Variants in RNF213 observed in about 807,000 individuals in gnomAD.
The protein encoded by RNF213 is ring finger protein 213.
A neutral mutation model predicts 514.4 loss-of-function variants in RNF213; 341 were observed. The ratio of observed to expected loss-of-function variants is 0.66; its 90% CI spans 0.61 to 0.73. The LOEUF is 0.73. Among genes scored for constraint, RNF213 ranks in the 30% least tolerant of loss-of-function variants. The pLI is 0.00. For missense variants in RNF213, 5,767 were observed against 6,615.6 expected, an observed-to-expected ratio of 0.87 and a Z score of 4.45; for synonymous variants, 2,655 against 2,658.2, an observed-to-expected ratio of 1.00 and a Z score of 0.04.
At chr17:80,280,666 G>T (rs1345153160) in intron 3 of RNF213, among the ~76,000 whole-genome samples, 1 of 151,766 alleles carries the variant, frequency 6.6e-6, no homozygotes, top group East Asian at 1.9e-4. Flanking sequence ...TGTTACCCAC[G>T]CTGGTCTCAA....
In RNF213 at chr17:80,270,938, A is replaced by G. The variant is rs566738002; in HGVS notation, c.98-2303A>G. 3.9e-5 allele frequency among the ~76,000 whole-genome samples: 6 copies of G among 152,222 alleles called. No individual in the cohort carries two copies. In the South Asian group the frequency reaches 1.2e-3, roughly 32 times the overall value. ...GACAGTGGTTTCCCAGCACCACCTC[A>G]TGGTCTTTCCAGGATGCACTGAGTG... On this transcript the variant is annotated intron_variant, in intron 2 of 67. Transcript: ENST00000582970.
rs1333760921 is a variant in RNF213 at position 80,386,775 on chromosome 17, A to G, written c.14806A>G (p.Asn4936Asp). The G allele has an allele frequency of 6.2e-7, 1 of 1,614,156 alleles. No homozygotes were observed. Among genetic ancestry groups the G allele is most frequent in the Non-Finnish European group, 8.5e-7 (1 of 1,180,024 alleles). Residue 4936 changes from asparagine (N) to aspartate (D), a missense_variant, in exon 63 of 68, where the codon AAC becomes GAC. Coordinates refer to ENST00000582970, the MANE Select transcript of RNF213 (RefSeq NM_001256071.3). ...ERDLTPLILSNCQYQVEEGRE... is the reference protein window; with the variant it reads ...ERDLTPLILSDCQYQVEEGRE... ...GGACCTGACTCCACTGATTCTCTCC[A>G]ACTGCCAGTACCAGGTGGAGGAGGG...
In RNF213 at chr17:80,337,819, T is replaced by C. The variant is rs1413882321; in HGVS notation, c.4669-14T>C. The C allele has an allele frequency of 1.3e-6, 2 of 1,536,892 alleles. No individual in the cohort carries two copies. Among genetic ancestry groups the C allele is most frequent in the South Asian group, 1.2e-5 (1 of 84,054 alleles). On this transcript the variant is annotated splice_polypyrimidine_tract_variant and intron_variant, in intron 24 of 67. Transcript: ENST00000582970. ...GGCCCCAAGAAAGTGACTTCTAACC[T>C]ATGCTCTTCACAGATTTCCCCAGAC...
At chr17:80,320,043 A>G in intron 17 of RNF213, 10 of 1,012,326 alleles carry the variant, frequency 9.9e-6, no homozygotes, top group Middle Eastern at 5.0e-4. Context: ...TTCGTATGCC[A>G]TACGGTACAT....
chr17:80,350,317 A>G lies in RNF213; in HGVS notation c.10105A>G (p.Thr3369Ala). The change falls in exon 31 of 68, where the codon ACA (threonine) becomes GCA (alanine). Residue 3369 changes from threonine to alanine, a missense_variant. This residue lies in a region of RNF213 where 919 missense variants were observed against 1,121.0 expected (regional missense o/e 0.82). Coordinates refer to ENST00000582970, the MANE Select transcript of RNF213 (RefSeq NM_001256071.3). Reference sequence around the variant, plus strand: ...TTCTTTCAGAAACTGTTTAACGAATACAGCCAAATGTAAAATCCTCATTTT... The same window carrying G: ...TTCTTTCAGAAACTGTTTAACGAATGCAGCCAAATGTAAAATCCTCATTTT... Reference protein sequence around the residue: ...LKEVRNCLTNTAKCKILIFQT... With the variant: ...LKEVRNCLTNAAKCKILIFQT... The G allele has an allele frequency of 6.2e-7, 1 of 1,607,086 alleles. No individual in the cohort carries two copies. Among genetic ancestry groups the G allele is most frequent in the Non-Finnish European group, 8.5e-7 (1 of 1,173,658 alleles).
intron 21 of RNF213, among the ~76,000 whole-genome samples, chr17:80,333,372 T>G (rs184532862): frequency 1.7e-4 from 25 of 150,324 alleles, no homozygotes; most frequent in Non-Finnish European, 4.4e-5. Flanking sequence ...GTCTTCTGCT[T>G]CTTATGTTTT....
rs1336024604 is a variant in RNF213, at chr17:80,339,530, G to T, written c.5163G>T (p.Pro1721=). The change falls in exon 26 of 68, where the codon CCG becomes CCT. Residue 1721 remains proline, a synonymous_variant. Transcript: ENST00000582970. The stretch of plus-strand genomic sequence containing the variant: ...GCACTGAGCTCAGGAAGCAGCCCCC[G>T]AGTGATGCCGCCCTAACGATGCTAT... ...YLSTELRKQP[P]SDAALTMLSF... 1 of 1,537,206 alleles carries T rather than the reference G, an allele frequency of 6.5e-7. No individual in the cohort carries two copies. The highest frequency in any genetic ancestry group is 1.4e-5 in the African/African-American group (1 of 73,162).
At position 80,363,030 on chromosome 17, in the gene RNF213, G is replaced by A. The variant is rs113530384; in HGVS notation, c.11356-72G>A. 197 of 1,370,416 alleles carry A rather than the reference G, an allele frequency of 1.4e-4. No homozygotes were observed. In the African/African-American group the frequency reaches 1.8e-3, roughly 13 times the overall value. 84.9% of individuals were successfully genotyped at this position (1,370,416 alleles called of 1,614,324 possible). A position where few individuals can be genotyped will look rare whatever the true frequency, so the allele number is the denominator to read the frequency against. ...CTCTTTTATGGTTTTCCAATAGTTC[G>A]GATTTCCCACGGGGAAAACATACCA... On this transcript the variant is annotated intron_variant, in intron 39 of 67. Coordinates refer to ENST00000582970, the MANE Select transcript of RNF213 (RefSeq NM_001256071.3).
At chr17:80,339,082 C>CATTAAAAAAG in intron 25 of RNF213, 119 bp from the exon 26 acceptor site, 55 of 738,196 alleles carry the variant, frequency 7.5e-5, no homozygotes, top group Middle Eastern at 3.2e-4. Flanking sequence ...GAGCGCAGAT[C>CATTAAAAAAG]ATGCAGTGGG....
At chr17:80,289,907 A>ACTCT (rs2044629968) in intron 6 of RNF213, 70 bp downstream of exon 6, 1 of 1,458,832 alleles carries the variant, frequency 6.9e-7, no homozygotes, top group Admixed American at 2.0e-5. Context: ...TCCCTGCACA[A>ACTCT]CTCTCAGGGG....
At position 80,385,140 on chromosome 17, in the gene RNF213, C is replaced by T; in HGVS notation, c.14424C>T (p.Ser4808=). 1.9e-6 allele frequency: 3 copies of T among 1,614,210 alleles called. No individual in the cohort carries two copies. Among genetic ancestry groups the T allele is most frequent in the Non-Finnish European group, 2.5e-6 (3 of 1,180,028 alleles). Reference sequence around the variant, plus strand: ...ACGTCCAGCAAGTTGAATACAGCTCCATCAGAGGCTTCCTCAGCAAGCACA... The same window carrying T: ...ACGTCCAGCAAGTTGAATACAGCTCTATCAGAGGCTTCCTCAGCAAGCACA... ...FQNVQQVEYS[S]IRGFLSKHSS... The change falls in exon 60 of 68, where the codon TCC becomes TCT. Residue 4808 remains serine, a synonymous_variant. Transcript: ENST00000582970.
chr17:80,292,888 C>T (rs1424477370), intron 8 of RNF213, among the ~76,000 whole-genome samples: 1 of 152,036 alleles, frequency 6.6e-6, no homozygotes, highest in Non-Finnish European at 1.5e-5. Context: ...CCTCCCTGCC[C>T]CCTGGTGTCC....
intron 30 of RNF213, 147 bp from the exon 31 acceptor site, chr17:80,350,153 TC>T: frequency 2.7e-6 from 2 of 753,446 alleles, no homozygotes; most frequent in East Asian, 2.7e-5. Context: ...TTGGGTTTCC[TC>T]CCCTGGACTA....
At chr17:80,320,110 C>A in intron 17 of RNF213, 2 of 671,292 alleles carry the variant, frequency 3.0e-6, no homozygotes, top group Non-Finnish European at 3.7e-6. Flanking sequence ...GTACAGTCAT[C>A]ACCACAGTTA....
chr17:80,353,237 C>A lies in RNF213; in HGVS notation c.10423+178C>A. On this transcript the variant is annotated intron_variant, in intron 33 of 67. Coordinates refer to ENST00000582970, the MANE Select transcript of RNF213 (RefSeq NM_001256071.3). The surrounding 1 kb of genome is among the most constrained non-coding windows in gnomAD (Gnocchi z 5.0). Reference sequence around the variant, plus strand: ...CTCATCATAGAGCACCAGGGCCGAGCAGGTGCGCTTACCACAGGCTGAGGT... The same window carrying A: ...CTCATCATAGAGCACCAGGGCCGAGAAGGTGCGCTTACCACAGGCTGAGGT... 1.1e-6 allele frequency: 1 copy of A among 906,460 alleles called. No individual in the cohort carries two copies. The highest frequency in any genetic ancestry group is 1.5e-5 in the South Asian group (1 of 64,812). The allele number at this position is 906,460 out of a possible 1,614,324, so 56.2% of individuals were successfully genotyped here. A position where few individuals can be genotyped will look rare whatever the true frequency, so the allele number is the denominator to read the frequency against.
chr17:80,364,447 G>A lies in RNF213; in HGVS notation c.11765G>A (p.Arg3922Gln), dbSNP rs766292366. 2.2e-5 allele frequency: 36 copies of A among 1,614,040 alleles called. 1 individual carries two copies. The South Asian group carries it at 3.1e-4, about 14-fold the overall frequency. Residue 3922 changes from arginine (R) to glutamine (Q), a missense_variant, in exon 42 of 68, where the codon CGG (arginine) becomes CAG (glutamine). Arg to Gln is a conservative substitution (Grantham distance 43). Transcript: ENST00000582970. The stretch of plus-strand genomic sequence containing the variant: ...TCTTTTGACAGAGCCCAGTGGAGTC[G>A]GATTTTCTCCACCGCACTCTTCGTG... ...VIREVRAQWS[R>Q]IFSTALFVEH...
intron 36 of RNF213, chr17:80,354,853 A>G: frequency 2.1e-6 from 1 of 477,972 alleles, no homozygotes; most frequent in East Asian, 4.1e-5. Context: ...AGAGTAGAAC[A>G]TTTACCGACA....
At chr17:80,381,351 T>A (rs1288819371) in intron 56 of RNF213, 196 bp from the exon 57 acceptor site, 10 of 663,120 alleles carry the variant, frequency 1.5e-5, no homozygotes, top group Non-Finnish European at 2.7e-5. Flanking sequence ...ATTCTTTATC[T>A]CACTGTAACA....
intron 5 of RNF213, among the ~76,000 whole-genome samples, chr17:80,289,017 G>A (rs2044580910): frequency 6.6e-6 from 1 of 152,194 alleles, no homozygotes; most frequent in African/African-American, 2.4e-5. Flanking sequence ...CGAGTGGCCG[G>A]GCGAGGCCTC....
Sources: allele counts gnomAD v4.1 joint callset (sites outside exome capture counted in the v4.1 genomes callset), GRCh38; gene constraint gnomAD v4.1.1; regional missense constraint gnomAD v4.1.1; non-coding constraint Gnocchi (gnomAD v3.1); transcripts MANE v1.5; gene names NCBI Gene and HGNC (gene_info 2026-07-23, HGNC 2026-07-21).